The following DCBLD1 variants were observed in gnomAD, a reference collection of about 807,000 sequenced individuals.
DCBLD1 encodes the protein discoidin, CUB and LCCL domain-containing protein 1.
In DCBLD1, 57 loss-of-function variants were observed where a neutral mutation model predicts 71.5. The observed-to-expected ratio is 0.80, with a 90% confidence interval of 0.64 to 0.99. The LOEUF is 0.99. Ranked by LOEUF, DCBLD1 falls within the 50% of genes least tolerant of loss-of-function variation. The pLI, the probability that DCBLD1 is intolerant of heterozygous loss-of-function variation, is 0.00. For synonymous variants in DCBLD1, 380 were observed against 363.8 expected (o/e 1.04, Z -0.51); for missense variants, 891 against 923.5 (o/e 0.96, Z 0.46).
chr6:117,511,892 G>A (rs193145693), intron 2 of DCBLD1, among the ~76,000 whole-genome samples: 4 of 152,264 alleles, frequency 2.6e-5, no homozygotes, highest in South Asian at 2.1e-4. Flanking sequence ...CTAGAAGTGC[G>A]TCCTCCTCTA....
At chr6:117,488,711 C>G (rs928070896) in intron 1 of DCBLD1, among the ~76,000 whole-genome samples, 1 of 152,206 alleles carries the variant, frequency 6.6e-6, no homozygotes, top group African/African-American at 2.4e-5. Flanking sequence ...TTACAGGCAA[C>G]AGCAGGAAAA....
In DCBLD1 at chr6:117,556,061, A is replaced by G. The variant is rs115376179; in HGVS notation, c.1615+10464A>G. 3.1e-3 allele frequency among the ~76,000 whole-genome samples: 474 copies of G among 152,294 alleles called. 1 individual carries two copies. Among genetic ancestry groups the G allele is most frequent in the African/African-American group, 0.011 (453 of 41,550 alleles). On this transcript the variant is annotated intron_variant, in intron 14 of 14. Transcript: ENST00000296955. ...AAGCCTTACACCGCTAATAAAAGTAAAATTAATAATGCATCTGGAATCTGC... is the reference window on the plus strand; with the variant it reads ...AAGCCTTACACCGCTAATAAAAGTAGAATTAATAATGCATCTGGAATCTGC...
chr6:117,551,972 T>A (rs1779434892), downstream of DCBLD1, among the ~76,000 whole-genome samples: 1 of 151,766 alleles, frequency 6.6e-6, no homozygotes, highest in African/African-American at 2.4e-5. Context: ...AAAAAAAAAA[T>A]TAAATTAGCC....
chr6:117,505,115 C>T (rs1251075617), intron 2 of DCBLD1, among the ~76,000 whole-genome samples: 1 of 152,100 alleles, frequency 6.6e-6, no homozygotes, highest in Non-Finnish European at 1.5e-5. Context: ...TTTTTAATCC[C>T]TAGGAGCATT....
chr6:117,489,611 G>A (rs1777212887), intron 1 of DCBLD1, among the ~76,000 whole-genome samples: 1 of 152,140 alleles, frequency 6.6e-6, no homozygotes, highest in African/African-American at 2.4e-5. Flanking sequence ...GAGGCCGGGC[G>A]CCGTGGCTCA....
At chr6:117,539,474 A>T in intron 9 of DCBLD1, 95 bp downstream of exon 9, 2 of 1,393,334 alleles carry the variant, frequency 1.4e-6, no homozygotes, top group South Asian at 2.8e-5. Context: ...TCATTAATAA[A>T]AGACAGTGAG....
chr6:117,563,944 TAA>T (rs1434501668), intron 14 of DCBLD1, among the ~76,000 whole-genome samples: 1 of 151,852 alleles, frequency 6.6e-6, no homozygotes, highest in African/African-American at 2.4e-5. Context: ...AAAATTGTAT[TAA>T]GTTTCCTATC....
intron 2 of DCBLD1, among the ~76,000 whole-genome samples, chr6:117,515,695 G>A (rs1778172656): frequency 6.6e-6 from 1 of 152,172 alleles, no homozygotes; most frequent in South Asian, 2.1e-4. Context: ...CAAGAGTAAA[G>A]TTTATAAAAA....
chr6:117,498,133 A>G (rs547623604), intron 1 of DCBLD1, among the ~76,000 whole-genome samples: 1 of 152,360 alleles, frequency 6.6e-6, no homozygotes, highest in East Asian at 1.9e-4. Flanking sequence ...AATTCTGTAC[A>G]TAGATCACTT....
chr6:117,482,871 C>G lies in DCBLD1; in HGVS notation c.90C>G (p.Leu30=). 1 of 1,192,430 alleles carries G rather than the reference C, an allele frequency of 8.4e-7. No individual in the cohort carries two copies. The highest frequency in any genetic ancestry group is 1.0e-6 in the Non-Finnish European group (1 of 961,638). 73.9% of individuals were successfully genotyped at this position (1,192,430 alleles called of 1,614,324 possible). The change falls in exon 1 of 15, where the codon CTC becomes CTG. Residue 30 remains leucine, a synonymous_variant. Transcript: ENST00000338728. ...LALLLAVSAP[L]RLQAEELGDG... is the part of the protein sequence containing the mutation. ...TGCTGCTCGCGGTCTCCGCCCCGCT[C>G]CGGCTGCAGGCGGAGGAGCTGGGTG...
At chr6:117,552,863 G>A (rs1308761491), downstream of DCBLD1, among the ~76,000 whole-genome samples, 1 of 152,054 alleles carries the variant, frequency 6.6e-6, no homozygotes, top group Non-Finnish European at 1.5e-5. Context: ...CTTAGTCACT[G>A]ATCTCATTTA....
At chr6:117,526,344 C>G (rs1271605156) in intron 5 of DCBLD1, among the ~76,000 whole-genome samples, 2 of 152,110 alleles carry the variant, frequency 1.3e-5, no homozygotes, top group Admixed American at 1.3e-4. Context: ...AAATGTTTTA[C>G]ACTATTTCAG....
chr6:117,566,971 C>T (rs115242892), intron 14 of DCBLD1: 111 of 1,609,872 alleles, frequency 6.9e-5, no homozygotes, highest in East Asian at 3.4e-4. Context: ...TCATACTCTA[C>T]GTTTTCATCA....
chr6:117,557,095 C>T (rs996453647), intron 14 of DCBLD1, among the ~76,000 whole-genome samples: 2 of 151,976 alleles, frequency 1.3e-5, no homozygotes, highest in Admixed American at 1.3e-4. Context: ...AACCAAATGC[C>T]CTCTTAAAAC....
intron 1 of DCBLD1, among the ~76,000 whole-genome samples, chr6:117,485,642 G>T (rs554459323): frequency 6.6e-6 from 1 of 152,294 alleles, no homozygotes; most frequent in East Asian, 1.9e-4. Flanking sequence ...TGTCTTCCTA[G>T]TATCTGACAA....
At chr6:117,546,656 C>T (rs1205306652) in intron 14 of DCBLD1, among the ~76,000 whole-genome samples, 3 of 152,120 alleles carry the variant, frequency 2.0e-5, no homozygotes, top group Non-Finnish European at 4.4e-5. Flanking sequence ...TCCTCAGGCT[C>T]CTTAAATGTG....
chr6:117,534,261 C>CAT (rs1191569374), intron 6 of DCBLD1, among the ~76,000 whole-genome samples: 10 of 152,142 alleles, frequency 6.6e-5, no homozygotes, highest in East Asian at 1.9e-4. Context: ...TATACACACA[C>CAT]ATATATATAA....
At chr6:117,564,312 T>C (rs191073601) in intron 14 of DCBLD1, among the ~76,000 whole-genome samples, 12 of 152,306 alleles carry the variant, frequency 7.9e-5, no homozygotes, top group African/African-American at 2.9e-4. Flanking sequence ...AATTGTAAAA[T>C]TCAGTCAATT....
At chr6:117,483,326 G>A (rs1436854904) in intron 1 of DCBLD1, among the ~76,000 whole-genome samples, 1 of 152,196 alleles carries the variant, frequency 6.6e-6, no homozygotes, top group East Asian at 1.9e-4. Context: ...CTCCTCGGCC[G>A]GCGCTGGGCC....
Sources: allele counts gnomAD v4.1 joint callset (sites outside exome capture counted in the v4.1 genomes callset), GRCh38; gene constraint gnomAD v4.1.1; transcripts MANE v1.5; gene names NCBI Gene and HGNC (gene_info 2026-07-23, HGNC 2026-07-21).